SEC23IP: variants seen among roughly 807,000 people sequenced by gnomAD.
SEC23IP encodes the protein SEC23 interacting protein.
SEC23IP carries 70 observed loss-of-function variants against 113.4 expected under a neutral mutation model. The ratio of observed to expected loss-of-function variants is 0.62; its 90% CI spans 0.51 to 0.75. The LOEUF is 0.75. Ranked by LOEUF, SEC23IP falls within the 30% of genes least tolerant of loss-of-function variation. The pLI is 0.00. For synonymous variants in SEC23IP, 398 were observed against 421.0 expected (o/e 0.95, Z 0.67); for missense variants, 1,160 against 1,204.9 (o/e 0.96, Z 0.55).
At chr10:119,914,116 C>T (rs527481858) in intron 6 of SEC23IP, among the ~76,000 whole-genome samples, 3 of 152,260 alleles carry the variant, frequency 2.0e-5, no homozygotes, top group African/African-American at 4.8e-5. Flanking sequence ...GCCGAGATGG[C>T]GCCATTGCAC....
intron 2 of SEC23IP, among the ~76,000 whole-genome samples, chr10:119,899,620 T>G (rs1854412608): frequency 6.6e-6 from 1 of 152,210 alleles, no homozygotes; most frequent in African/African-American, 2.4e-5. Context: ...CTGTTAGAGA[T>G]AGAGAATGGA....
chr10:119,915,067 C>G (rs1855004142), intron 7 of SEC23IP, among the ~76,000 whole-genome samples: 1 of 152,172 alleles, frequency 6.6e-6, no homozygotes, highest in African/African-American at 2.4e-5. Flanking sequence ...TTGTTGACAG[C>G]CTTTGCCTGA....
intron 18 of SEC23IP, among the ~76,000 whole-genome samples, chr10:119,938,768 G>A (rs1855874774): frequency 6.6e-6 from 1 of 152,096 alleles, no homozygotes; most frequent in South Asian, 2.1e-4. Flanking sequence ...ACCTTATATG[G>A]AAAACTCAGA....
rs768212059 is a variant in SEC23IP at position 119,926,017 on chromosome 10, A to G, written c.2122-19A>G. ...AACTTTTTCTCATGATTATGTTACT[A>G]AATTTTGGTATTTTACAGAAAAAAG... On this transcript the variant is annotated intron_variant, in intron 12 of 18. Coordinates refer to ENST00000369075, the MANE Select transcript of SEC23IP (RefSeq NM_007190.4). The G allele has an allele frequency of 2.5e-6, 4 of 1,594,982 alleles. No individual in the cohort carries two copies. The highest frequency in any genetic ancestry group is 3.4e-6 in the Non-Finnish European group (4 of 1,169,858).
chr10:119,914,924 A>C (rs1178359542), intron 7 of SEC23IP, 105 bp downstream of exon 7: 3 of 1,037,284 alleles, frequency 2.9e-6, no homozygotes, highest in Non-Finnish European at 4.4e-6. Flanking sequence ...CTACTTGCTG[A>C]GGAGTCTGTA....
At chr10:119,912,624 ATTTTTCTTTTTC>A (rs1253782925) in intron 6 of SEC23IP, among the ~76,000 whole-genome samples, 6 of 136,450 alleles carry the variant, frequency 4.4e-5, no homozygotes, top group South Asian at 2.2e-4. Context: ...TCTCCTAGGT[ATTTTTCTTTTTC>A]TTTTTCTTTT....
Position 119,943,138 on chromosome 10 carries a change from A to G in SEC23IP, c.*2573A>G, listed in dbSNP as rs2279938. The G allele has an allele frequency of 0.055, 8,344 of 152,252 alleles. 431 individuals carry two copies. Among genetic ancestry groups the G allele is most frequent in the South Asian group, 0.27 (1,303 of 4,818 alleles). 9.4% of individuals were successfully genotyped at this position (152,252 alleles called of 1,614,324 possible). Reference sequence around the variant, plus strand: ...TAATGCTGTACTTTAGTGTTTACCAAGCAGCTTTCTGGTGGAAACTTGAAC... The same window carrying G: ...TAATGCTGTACTTTAGTGTTTACCAGGCAGCTTTCTGGTGGAAACTTGAAC... On this transcript the variant is annotated 3_prime_UTR_variant, in exon 19 of 19. Coordinates refer to ENST00000369075, the MANE Select transcript of SEC23IP (RefSeq NM_007190.4).
rs976539323 is a variant in SEC23IP at position 119,943,639 on chromosome 10, C to A, written c.*3074C>A. 2.6e-5 allele frequency: 4 copies of A among 152,096 alleles called. No homozygotes were observed. Among genetic ancestry groups the A allele is most frequent in the Non-Finnish European group, 4.4e-5 (3 of 68,012 alleles). 9.4% of individuals were successfully genotyped at this position (152,096 alleles called of 1,614,324 possible). On this transcript the variant is annotated 3_prime_UTR_variant, in exon 19 of 19. Transcript: ENST00000369075. ...TAAAACAGCAACTCTTGCAGATTTCCCGAATGTATTGGTCCCAGAGAACAC... is the reference window on the plus strand; with the variant it reads ...TAAAACAGCAACTCTTGCAGATTTCACGAATGTATTGGTCCCAGAGAACAC...
chr10:119,893,040 C>G (rs1392064244), intron 1 of SEC23IP, 95 bp downstream of exon 1: 2 of 1,386,978 alleles, frequency 1.4e-6, no homozygotes, highest in African/African-American at 2.9e-5. Context: ...CTGCCTCGAG[C>G]TACCCTCTGG....
chr10:119,892,752 G>T lies in SEC23IP; in HGVS notation c.-31G>T, dbSNP rs376558981. 5.7e-6 allele frequency: 9 copies of T among 1,582,018 alleles called. No homozygotes were observed. In the East Asian group the frequency reaches 6.9e-5, roughly 12 times the overall value. On this transcript the variant is annotated 5_prime_UTR_variant, in exon 1 of 19. Coordinates refer to ENST00000369075, the MANE Select transcript of SEC23IP (RefSeq NM_007190.4). ...GTCAGTGGTGTGGTACCGGGTACCCGGAGACGTGTATCGGACGGTGGGCCG... is the reference window on the plus strand; with the variant it reads ...GTCAGTGGTGTGGTACCGGGTACCCTGAGACGTGTATCGGACGGTGGGCCG...
intron 15 of SEC23IP, 91 bp downstream of exon 15, chr10:119,930,522 G>T (rs1372433731): frequency 5.9e-6 from 4 of 681,110 alleles, no homozygotes; most frequent in Non-Finnish European, 1.0e-5. Context: ...GTCTCTGAGA[G>T]AATTAATATT....
chr10:119,895,110 A>G (rs1403832936), intron 1 of SEC23IP, among the ~76,000 whole-genome samples: 6 of 152,160 alleles, frequency 3.9e-5, no homozygotes, highest in Non-Finnish European at 2.9e-5. Context: ...AAGGCCTGGC[A>G]CAGTGGCTCA....
In SEC23IP at chr10:119,943,694, T is replaced by C. The variant is rs1373223220; in HGVS notation, c.*3129T>C. ...AATAATGTCATGTTGTTAACACCAGTGGGAGTTTGGGAAATAATTCCAGCT... is the reference window on the plus strand; with the variant it reads ...AATAATGTCATGTTGTTAACACCAGCGGGAGTTTGGGAAATAATTCCAGCT... On this transcript the variant is annotated 3_prime_UTR_variant, in exon 19 of 19. Coordinates refer to ENST00000369075, the MANE Select transcript of SEC23IP (RefSeq NM_007190.4). 5 of 152,218 alleles carry C rather than the reference T, an allele frequency of 3.3e-5. No individual in the cohort carries two copies. Among genetic ancestry groups the C allele is most frequent in the Non-Finnish European group, 7.3e-5 (5 of 68,036 alleles). 9.4% of individuals were successfully genotyped at this position (152,218 alleles called of 1,614,324 possible).
chr10:119,933,348 C>G (rs955880931), intron 17 of SEC23IP, among the ~76,000 whole-genome samples, 181 bp downstream of exon 17: 1 of 152,186 alleles, frequency 6.6e-6, no homozygotes, highest in African/African-American at 2.4e-5. Context: ...AGTATGTCAT[C>G]TGCTTTTGAC....
At chr10:119,919,105 T>G (rs542363334) in intron 10 of SEC23IP, among the ~76,000 whole-genome samples, 237 of 151,872 alleles carry the variant, frequency 1.6e-3, no homozygotes, top group Non-Finnish European at 2.2e-3. Flanking sequence ...GCGATTCTCC[T>G]GCCTCAGCCT....
At chr10:119,917,461 C>T (rs1252009850) in intron 8 of SEC23IP, among the ~76,000 whole-genome samples, 1 of 151,994 alleles carries the variant, frequency 6.6e-6, no homozygotes, top group Non-Finnish European at 1.5e-5. Flanking sequence ...TCACTGCAAC[C>T]TCTGCCTTTC....
chr10:119,915,933 A>G, intron 8 of SEC23IP, 44 bp downstream of exon 8: 1 of 1,406,380 alleles, frequency 7.1e-7, no homozygotes, highest in Non-Finnish European at 9.4e-7. Flanking sequence ...AGTCATATTT[A>G]AATTTAAGAT....
At position 119,892,931 on chromosome 10, in the gene SEC23IP, T is replaced by G. The variant is rs1564900054; in HGVS notation, c.149T>G (p.Leu50Arg). 1 of 1,612,904 alleles carries G rather than the reference T, an allele frequency of 6.2e-7. No homozygotes were observed. The highest frequency in any genetic ancestry group is 1.7e-5 in the Admixed American group (1 of 59,858). ...CAGGCCTCCGCTTCTCCGGCCTCCC[T>G]GCTCTTACCGGGAGGTAATAAGGGG... ...VTQASASPAS[L>R]LLPGEDSTDV... is the part of the protein sequence containing the mutation. The change falls in exon 1 of 19, where the codon CTG becomes CGG. Residue 50 changes from leucine (L) to arginine (R), a missense_variant. Physicochemically the swap from Leu to Arg is moderately radical, Grantham distance 102 (BLOSUM62 -2). Transcript: ENST00000369075.
chr10:119,926,177 G>A lies in SEC23IP; in HGVS notation c.2263G>A (p.Val755Met), dbSNP rs118110471. The stretch of plus-strand genomic sequence containing the variant: ...GAGGAAACTTCCAGTTGGTGCTTGC[G>A]TGTCTTCTGTGTGTGTGAATTATGA... ...PKRKLPVGAC[V>M]SSVCVNYESF... is the part of the protein sequence containing the mutation. Residue 755 changes from valine (V) to methionine (M), a missense_variant, in exon 13 of 19, where the codon GTG (valine) becomes ATG (methionine). Coordinates refer to ENST00000369075, the MANE Select transcript of SEC23IP (RefSeq NM_007190.4). The A allele has an allele frequency of 4.0e-4, 644 of 1,614,130 alleles. 7 individuals are homozygous for A. The East Asian group carries it at 0.013, about 32-fold the overall frequency.
Sources: gnomAD v4.1 joint callset for allele counts (sites outside exome capture counted in the v4.1 genomes callset) on GRCh38, gnomAD v4.1.1 for gene constraint, MANE v1.5 for transcripts, NCBI Gene and HGNC (gene_info 2026-07-23, HGNC 2026-07-21) for gene names.